Variants in NUP214 observed in about 807,000 individuals in gnomAD.
NUP214 encodes the protein nucleoporin 214, also known as nuclear pore complex protein Nup214.
Under a neutral mutation model 196.2 loss-of-function variants are expected in NUP214, and 79 were observed. The observed-to-expected ratio is 0.40, with a 90% CI of 0.34 to 0.49. The LOEUF is 0.49. Among genes scored for constraint, NUP214 ranks in the 20% least tolerant of loss-of-function variants. NUP214 has a pLI of 0.58. For missense variants in NUP214, 2,468 were observed against 2,539.0 expected, an observed-to-expected ratio of 0.97 and a Z score of 0.60; for synonymous variants, 1,020 against 990.5, an observed-to-expected ratio of 1.03 and a Z score of -0.56.
chr9:131,129,054 G>C (rs1303615567), intron 3 of NUP214, among the ~76,000 whole-genome samples: 2 of 152,180 alleles, frequency 1.3e-5, no homozygotes, highest in Non-Finnish European at 2.9e-5. Context: ...CCCCTTCTGA[G>C]AGTCCCCCTA....
intron 19 of NUP214, among the ~76,000 whole-genome samples, 164 bp from the exon 20 acceptor site, chr9:131,163,706 A>G (rs1832708892): frequency 6.6e-6 from 1 of 152,048 alleles, no homozygotes; most frequent in East Asian, 1.9e-4. Context: ...TATGATTGTG[A>G]TCTCACTTCT....
At chr9:131,215,068 TGTG>T (rs1312567172) in intron 30 of NUP214, 141 bp from the exon 31 acceptor site, 1 of 598,164 alleles carries the variant, frequency 1.7e-6, no homozygotes, top group Non-Finnish European at 2.7e-6. Flanking sequence ...TAGCTTCTTT[TGTG>T]GTGGTTAGAG....
At chr9:131,129,174 CTGATT>C (rs1588119931) in intron 3 of NUP214, 100 bp from the exon 4 acceptor site, 4 of 922,236 alleles carry the variant, frequency 4.3e-6, no homozygotes, top group Non-Finnish European at 6.6e-6. Context: ...GAAAAATAAA[CTGATT>C]TGAGATACCT....
At position 131,232,354 on chromosome 9, in the gene NUP214, A is replaced by G. The variant is rs1159217714; in HGVS notation, c.6239+46A>G. On this transcript the variant is annotated intron_variant, in intron 35 of 35. Transcript: ENST00000359428. This position sits in a 1 kb window ranked among gnomAD's most constrained non-coding sequence, Gnocchi z 5.1. ...GTCTCACCTTAATTAAAAGCATTAA[A>G]TAAGGTTGGAAGTGTGTGGATCTTG... The G allele has an allele frequency of 1.9e-6, 3 of 1,565,042 alleles. No homozygotes were observed. The highest frequency in any genetic ancestry group is 2.2e-5 in the East Asian group (1 of 44,630).
At chr9:131,212,320 C>T (rs1834268980) in intron 30 of NUP214, among the ~76,000 whole-genome samples, 1 of 152,182 alleles carries the variant, frequency 6.6e-6, no homozygotes, top group African/African-American at 2.4e-5. Flanking sequence ...TGTGATCTCG[C>T]TCTGCCCCAT....
At chr9:131,144,143 C>A (rs1451274271) in intron 11 of NUP214, 137 bp from the exon 12 acceptor site, 1 of 693,790 alleles carries the variant, frequency 1.4e-6, no homozygotes, top group African/African-American at 1.8e-5. Flanking sequence ...ACTGTGTACC[C>A]ATGTGTTCTT....
intron 24 of NUP214, among the ~76,000 whole-genome samples, chr9:131,180,686 T>A (rs1833250302): frequency 6.6e-6 from 1 of 152,222 alleles, no homozygotes. Flanking sequence ...GCTCCATCGC[T>A]TGATTCAGCA....
Position 131,163,144 on chromosome 9 carries a change from G to A in NUP214, c.2694G>A (p.Ser898=), listed in dbSNP as rs751690028. 9.3e-6 allele frequency: 15 copies of A among 1,613,336 alleles called. No homozygotes were observed. Among genetic ancestry groups the A allele is most frequent in the African/African-American group, 4.0e-5 (3 of 74,852 alleles). Residue 898 remains serine, a synonymous_variant, in exon 19 of 36, where the codon TCG becomes TCA. Transcript: ENST00000359428. ...AGACTTCCCTGTGGAGCCTGTCCTC[G>A]GCTGTTCCTTCCCAGAGCAGCATTC... The part of the protein sequence containing the change: ...YKQTSLWSLS[S]AVPSQSSIHS...
At chr9:131,190,301 TCA>T in intron 26 of NUP214, 1 of 538,194 alleles carries the variant, frequency 1.9e-6, no homozygotes, top group Non-Finnish European at 3.2e-6. Context: ...TTCAAGGACT[TCA>T]TTGGAGAGGT....
intron 28 of NUP214, among the ~76,000 whole-genome samples, chr9:131,196,042 G>T (rs1442792504): frequency 7.4e-5 from 1 of 13,514 alleles, no homozygotes; most frequent in Non-Finnish European, 2.2e-4. Context: ...CCCCCCCCGC[G>T]CCAAAAAATC....
chr9:131,209,020 TAA>T (rs1834161998), intron 30 of NUP214, among the ~76,000 whole-genome samples: 1 of 151,628 alleles, frequency 6.6e-6, no homozygotes. Context: ...CTCAAAAAAA[TAA>T]ATAATAAAAA....
intron 5 of NUP214, 135 bp from the exon 6 acceptor site, chr9:131,132,461 A>G (rs772599380): frequency 5.4e-6 from 4 of 739,464 alleles, no homozygotes; most frequent in African/African-American, 1.8e-5. Context: ...AGATAGCACT[A>G]TTCTGTTTCT....
intron 31 of NUP214, among the ~76,000 whole-genome samples, chr9:131,216,735 C>G (rs1389156045): frequency 6.6e-6 from 1 of 151,464 alleles, no homozygotes; most frequent in Non-Finnish European, 1.5e-5. Flanking sequence ...CCATGTTGGC[C>G]AGGCTGGTCT....
intron 30 of NUP214, among the ~76,000 whole-genome samples, chr9:131,211,758 T>G (rs1834246930): frequency 6.6e-6 from 1 of 152,228 alleles, no homozygotes; most frequent in African/African-American, 2.4e-5. Context: ...TGTCTTTACT[T>G]TAATCTCTTA....
intron 26 of NUP214, chr9:131,190,528 C>G: frequency 1.5e-6 from 1 of 671,032 alleles, no homozygotes; most frequent in South Asian, 1.6e-5. Context: ...AGGAAAACTT[C>G]CCTGAAAGGT....
chr9:131,130,982 T>C, intron 5 of NUP214, 146 bp downstream of exon 5: 1 of 644,212 alleles, frequency 1.6e-6, no homozygotes, highest in Non-Finnish European at 2.7e-6. Context: ...AGTGGAACTC[T>C]TCCCTTTCCC....
chr9:131,174,521 T>C (rs1833058868), intron 22 of NUP214, among the ~76,000 whole-genome samples: 1 of 135,688 alleles, frequency 7.4e-6, no homozygotes, highest in African/African-American at 2.7e-5. Flanking sequence ...CGATCTAGGC[T>C]CACTGCAACA....
rs755153760 is a variant in NUP214 at position 131,144,504 on chromosome 9, G to A, written c.1519G>A (p.Asp507Asn). 3.5e-5 allele frequency: 57 copies of A among 1,613,968 alleles called. No individual in the cohort carries two copies. The Admixed American group carries it at 8.3e-4, about 24-fold the overall frequency. ...GEPPSYSSGS[D>N]SSKAAPGPGP... is the part of the protein sequence containing the mutation. ...GCCCCCTTCATATTCCAGTGGCTCC[G>A]ACAGCTCCAAAGCAGCCCCAGGCCC... Residue 507 changes from aspartate to asparagine, a missense_variant, in exon 12 of 36, where the codon GAC becomes AAC. Coordinates refer to ENST00000359428, the MANE Select transcript of NUP214 (RefSeq NM_005085.4).
intron 21 of NUP214, 84 bp downstream of exon 21, chr9:131,164,228 C>A: frequency 1.7e-6 from 2 of 1,204,876 alleles, no homozygotes; most frequent in Non-Finnish European, 1.2e-6. Context: ...TGCACGTGTG[C>A]ATGTGTGAGC....
Sources: allele counts gnomAD v4.1 joint callset (sites outside exome capture counted in the v4.1 genomes callset), GRCh38; gene constraint gnomAD v4.1.1; non-coding constraint Gnocchi (gnomAD v3.1); transcripts MANE v1.5; gene names NCBI Gene and HGNC (gene_info 2026-07-23, HGNC 2026-07-21).